CHST9: variants seen among roughly 807,000 people sequenced by gnomAD.
The protein encoded by CHST9 is GalNAc-4-sulfotransferase 2.
CHST9 carries 41 observed loss-of-function variants against 44.4 expected under a neutral mutation model. The ratio of observed to expected loss-of-function variants is 0.92; its 90% confidence interval spans 0.72 to 1.20. The LOEUF (loss-of-function observed/expected upper bound fraction) is 1.20. Ranked by LOEUF, CHST9 falls within the 50% of genes most tolerant of loss-of-function variation. The pLI is 0.00. For synonymous variants in CHST9, 171 were observed against 178.4 expected (o/e 0.96, Z 0.33); for missense variants, 504 against 516.5 (o/e 0.98, Z 0.23).
intron 5 of CHST9, chr18:26,932,861 C>T (rs547397072): frequency 1.3e-5 from 2 of 153,788 alleles, no homozygotes; most frequent in East Asian, 1.9e-4. Context: ...ATGTTCAAAA[C>T]GATGGAAGCA....
chr18:26,986,715 C>T (rs2056758575), intron 4 of CHST9, among the ~76,000 whole-genome samples: 1 of 151,840 alleles, frequency 6.6e-6, no homozygotes, highest in African/African-American at 2.4e-5. Context: ...TACTGAAGAA[C>T]AAAATTAAAG....
At chr18:26,997,500 T>C (rs929102253) in intron 4 of CHST9, among the ~76,000 whole-genome samples, 2 of 152,246 alleles carry the variant, frequency 1.3e-5, no homozygotes, top group Non-Finnish European at 2.9e-5. Flanking sequence ...ATGAGATTTA[T>C]CTGCACAATG....
intron 4 of CHST9, among the ~76,000 whole-genome samples, chr18:26,980,994 T>C (rs1251298175): frequency 3.3e-5 from 5 of 152,222 alleles, no homozygotes; most frequent in African/African-American, 1.2e-4. Flanking sequence ...ATATCCTCTA[T>C]ATAGAAATGA....
rs142490618 is a variant in CHST9, at chr18:27,165,027, T to C, written c.-97+20109A>G. Among the ~76,000 whole-genome samples, 16 of 152,158 alleles carry C rather than the reference T, an allele frequency of 1.1e-4. No homozygotes were observed. In the East Asian group the frequency reaches 2.9e-3, roughly 28 times the overall value. Reference sequence around the variant, plus strand: ...GAAGAAATGGGATGCAGAAACCTGATCTGAAAAAGGAGAGAGAGAAAAGAA... The same window carrying C: ...GAAGAAATGGGATGCAGAAACCTGACCTGAAAAAGGAGAGAGAGAAAAGAA... On this transcript the variant is annotated intron_variant, in intron 1 of 5. Transcript: ENST00000618847.
At position 26,916,491 on chromosome 18, in the gene CHST9, A is replaced by C; in HGVS notation, c.1100T>G (p.Val367Gly). 6.2e-7 allele frequency: 1 copy of C among 1,613,834 alleles called. No individual in the cohort carries two copies. Among genetic ancestry groups the C allele is most frequent in the Non-Finnish European group, 8.5e-7 (1 of 1,179,780 alleles). Residue 367 changes from valine (V) to glycine (G), a missense_variant, in exon 6 of 6, where the codon GTA (valine) becomes GGA (glycine). Val to Gly is a moderately radical substitution (Grantham distance 109, BLOSUM62 -3). Coordinates refer to ENST00000618847, the MANE Select transcript of CHST9 (RefSeq NM_031422.6). Reference protein sequence around the residue: ...CYPCLINYDFVGKFETLEEDA... With the variant: ...CYPCLINYDFGGKFETLEEDA... ...TTCTTCCAAAGTCTCAAATTTCCCT[A>C]CAAAATCATAGTTGATCAAACACGG...
rs901835824 is a variant in CHST9, at chr18:26,916,093, A to C, written c.*166T>G. On this transcript the variant is annotated 3_prime_UTR_variant, in exon 6 of 6. Transcript: ENST00000618847. ...TACATCTCCTGTAGGTGATTTTCCT[A>C]TAACTTTGTGCCAATTGGTGTCATA... is the stretch of plus-strand genomic sequence containing the variant. 3.5e-6 allele frequency: 2 copies of C among 563,450 alleles called. No individual in the cohort carries two copies. The highest frequency in any genetic ancestry group is 6.2e-6 in the Non-Finnish European group (2 of 324,884). 34.9% of individuals were successfully genotyped at this position (563,450 alleles called of 1,614,324 possible).
At chr18:27,133,213 C>T (rs1341231324) in intron 2 of CHST9, among the ~76,000 whole-genome samples, 1 of 152,172 alleles carries the variant, frequency 6.6e-6, no homozygotes, top group Non-Finnish European at 1.5e-5. Flanking sequence ...ATAGCAAGTG[C>T]ATCATTGTTT....
At chr18:27,108,079 A>G (rs2058237717) in intron 2 of CHST9, among the ~76,000 whole-genome samples, 1 of 152,054 alleles carries the variant, frequency 6.6e-6, no homozygotes, top group African/African-American at 2.4e-5. Flanking sequence ...ACCCACCTAG[A>G]CACCTAACTA....
chr18:26,978,204 T>C (rs567914542), intron 4 of CHST9, among the ~76,000 whole-genome samples: 9 of 152,118 alleles, frequency 5.9e-5, no homozygotes, highest in African/African-American at 2.2e-4. Context: ...GAAATCTCTT[T>C]GTCTCAAAAT....
chr18:26,920,405 C>T (rs1056436056), intron 5 of CHST9, among the ~76,000 whole-genome samples: 11 of 152,202 alleles, frequency 7.2e-5, no homozygotes, highest in Admixed American at 2.0e-4. Flanking sequence ...TTATTTCCCT[C>T]CCTTTCAAAA....
rs531371974 is a variant in CHST9, at chr18:27,059,672, C to T, written c.122-11169G>A. ...GACATTTCATTGCTCTTTTTCCCCA[C>T]ACTCTTAATCATCATCTCATTAGCT... On this transcript the variant is annotated intron_variant, in intron 2 of 5. Coordinates refer to ENST00000618847, the MANE Select transcript of CHST9 (RefSeq NM_031422.6). 2.0e-5 allele frequency among the ~76,000 whole-genome samples: 3 copies of T among 152,302 alleles called. No individual in the cohort carries two copies. In the East Asian group the frequency reaches 5.8e-4, roughly 29 times the overall value.
At chr18:26,958,087 TGTCA>T (rs1194825990) in intron 4 of CHST9, among the ~76,000 whole-genome samples, 25 of 150,866 alleles carry the variant, frequency 1.7e-4, no homozygotes, top group Non-Finnish European at 3.1e-4. Context: ...GGTTTCTCCA[TGTCA>T]GTCAGGCTGG....
At chr18:27,040,681 T>C (rs1016488421) in intron 3 of CHST9, among the ~76,000 whole-genome samples, 1 of 152,186 alleles carries the variant, frequency 6.6e-6, no homozygotes, top group Non-Finnish European at 1.5e-5. Flanking sequence ...ATGTATATGA[T>C]TGATTTCTAT....
chr18:27,029,560 C>T (rs1210735646), intron 3 of CHST9, among the ~76,000 whole-genome samples: 2 of 152,118 alleles, frequency 1.3e-5, no homozygotes, highest in Non-Finnish European at 2.9e-5. Flanking sequence ...TTCTGGGGCA[C>T]CCTGCAAACA....
At chr18:27,055,646 T>A (rs72882319) in intron 2 of CHST9, among the ~76,000 whole-genome samples, 3,316 of 152,278 alleles carry the variant, frequency 0.022, 49 homozygotes, top group South Asian at 0.051. Context: ...ATCAATATAT[T>A]AAAATAATTT....
At chr18:27,045,955 C>T (rs897129200) in intron 3 of CHST9, among the ~76,000 whole-genome samples, 7 of 152,024 alleles carry the variant, frequency 4.6e-5, no homozygotes, top group Non-Finnish European at 8.8e-5. Context: ...ATCTTTGGAA[C>T]ATGATTCACT....
chr18:27,025,894 T>C (rs1174124574), intron 3 of CHST9, among the ~76,000 whole-genome samples: 1 of 152,164 alleles, frequency 6.6e-6, no homozygotes, highest in Non-Finnish European at 1.5e-5. Flanking sequence ...TAGCATATTA[T>C]CATTATTTAT....
intron 2 of CHST9, among the ~76,000 whole-genome samples, chr18:27,096,767 C>A (rs539160870): frequency 7.2e-5 from 11 of 151,994 alleles, no homozygotes; most frequent in African/African-American, 2.4e-4. Flanking sequence ...CAACAGACTT[C>A]CAAAGTTGAA....
chr18:27,181,076 T>A (rs745511452), intron 1 of CHST9, among the ~76,000 whole-genome samples: 9 of 152,190 alleles, frequency 5.9e-5, no homozygotes, highest in African/African-American at 2.2e-4. Flanking sequence ...ACCATTCTCC[T>A]TACTTCCATA....
Sources: allele counts gnomAD v4.1 joint callset (sites outside exome capture counted in the v4.1 genomes callset), GRCh38; gene constraint gnomAD v4.1.1; transcripts MANE v1.5; gene names NCBI Gene and HGNC (gene_info 2026-07-23, HGNC 2026-07-21).